PRELID2: variants seen among roughly 807,000 people sequenced by gnomAD.
PRELID2 encodes PRELI domain containing 2, also known as PRELI domain-containing protein 2.
In PRELID2, 25 loss-of-function variants were observed where a neutral mutation model predicts 28.4. The ratio of observed to expected loss-of-function variants is 0.88; its 90% CI spans 0.64 to 1.23. The LOEUF (loss-of-function observed/expected upper bound fraction) is 1.23, where lower values mean the gene tolerates loss of function less well. Among genes scored for constraint, PRELID2 ranks in the 50% most tolerant of loss-of-function variants. PRELID2 has a pLI of 0.00. For missense variants in PRELID2, 201 were observed against 214.4 expected, an observed-to-expected ratio of 0.94 and a Z score of 0.39; for synonymous variants, 76 against 71.6, an observed-to-expected ratio of 1.06 and a Z score of -0.31.
At chr5:145,531,974 A>C (rs77564080) in intron 1 of PRELID2, among the ~76,000 whole-genome samples, 228 of 152,334 alleles carry the variant, frequency 1.5e-3, no homozygotes, top group Non-Finnish European at 2.7e-3. Flanking sequence ...GGTGATACTA[A>C]TAGAAACTAT....
chr5:145,352,074 T>C, the PRELID2 span, among the ~76,000 whole-genome samples: 1 of 152,158 alleles, frequency 6.6e-6, no homozygotes, highest in Non-Finnish European at 1.5e-5. Context: ...AGGTACATGG[T>C]GTAAGCCGTC....
chr5:145,682,864 A>C (rs953752377), intron 1 of PRELID2, among the ~76,000 whole-genome samples: 1 of 152,222 alleles, frequency 6.6e-6, no homozygotes, highest in Non-Finnish European at 1.5e-5. Context: ...CATAAAAATC[A>C]AGAAGCTTTT....
At chr5:145,485,856 T>G (rs1402610301) in intron 1 of PRELID2, among the ~76,000 whole-genome samples, 1 of 152,228 alleles carries the variant, frequency 6.6e-6, no homozygotes, top group Admixed American at 6.5e-5. Flanking sequence ...TTAGGAGTTA[T>G]GTATTAAATG....
chr5:145,398,668 CAACA>C, the PRELID2 span, among the ~76,000 whole-genome samples: 2 of 152,164 alleles, frequency 1.3e-5, no homozygotes, highest in East Asian at 1.9e-4. Flanking sequence ...GAGGACATAG[CAACA>C]AACAATGTTC....
intron 1 of PRELID2, among the ~76,000 whole-genome samples, chr5:145,594,833 A>C (rs1753279777): frequency 6.6e-6 from 1 of 152,188 alleles, no homozygotes; most frequent in East Asian, 1.9e-4. Context: ...AAGTTTAAGA[A>C]GAGTCATAAT....
intron 1 of PRELID2, among the ~76,000 whole-genome samples, chr5:145,641,451 A>T (rs1444068235): frequency 6.6e-6 from 1 of 152,238 alleles, no homozygotes; most frequent in East Asian, 1.9e-4. Flanking sequence ...GCAAACACTA[A>T]TGACAAAAAA....
At chr5:145,263,716 T>C in the PRELID2 span, among the ~76,000 whole-genome samples, 2 of 152,064 alleles carry the variant, frequency 1.3e-5, no homozygotes, top group Non-Finnish European at 2.9e-5. Context: ...TGAACACCTT[T>C]ACATGCATAA....
At chr5:145,404,918 A>T in the PRELID2 span, among the ~76,000 whole-genome samples, 1 of 152,122 alleles carries the variant, frequency 6.6e-6, no homozygotes, top group Non-Finnish European at 1.5e-5. Context: ...CTCTGGGGGG[A>T]TACAGAGTGA....
chr5:145,577,774 G>T (rs1190854786), intron 1 of PRELID2, among the ~76,000 whole-genome samples: 1 of 152,078 alleles, frequency 6.6e-6, no homozygotes, highest in East Asian at 1.9e-4. Flanking sequence ...TTAACAGTGG[G>T]TAACTATATG....
chr5:145,254,466 T>C, the PRELID2 span, among the ~76,000 whole-genome samples: 6 of 152,008 alleles, frequency 3.9e-5, no homozygotes, highest in African/African-American at 1.4e-4. Context: ...TCCTGCCTCA[T>C]GGAAAAGATA....
chr5:145,817,219 AAAT>A (rs1754402711), intron 4 of PRELID2, among the ~76,000 whole-genome samples: 12 of 103,290 alleles, frequency 1.2e-4, no homozygotes, highest in African/African-American at 3.5e-4. Flanking sequence ...AAATAAAAAA[AAAT>A]ATATATATAT....
At chr5:145,714,937 T>C (rs1254084213) in intron 1 of PRELID2, among the ~76,000 whole-genome samples, 3 of 152,168 alleles carry the variant, frequency 2.0e-5, no homozygotes, top group East Asian at 1.9e-4. Flanking sequence ...TTCTCTATTT[T>C]ACCTACATAC....
At chr5:145,478,551 CA>C (rs1231505701) in intron 1 of PRELID2, among the ~76,000 whole-genome samples, 1 of 151,342 alleles carries the variant, frequency 6.6e-6, no homozygotes, top group African/African-American at 2.4e-5. Flanking sequence ...ACCCCGTCTC[CA>C]AAAAATAAAG....
At chr5:145,826,247 T>A (rs1755184788) in intron 1 of PRELID2, 1 of 893,534 alleles carries the variant, frequency 1.1e-6, no homozygotes, top group Admixed American at 6.2e-5. Context: ...AATATAATAG[T>A]GTAAAGCCCG....
intron 2 of PRELID2, 67 bp downstream of exon 2, chr5:145,823,010 C>A (rs1267442050): frequency 1.1e-6 from 1 of 878,418 alleles, no homozygotes; most frequent in Admixed American, 1.8e-5. Flanking sequence ...CACACACGTA[C>A]ACACATCTTT....
At chr5:145,485,785 T>C (rs1752212099) in intron 1 of PRELID2, among the ~76,000 whole-genome samples, 1 of 152,212 alleles carries the variant, frequency 6.6e-6, no homozygotes, top group Non-Finnish European at 1.5e-5. Flanking sequence ...CAAATTAAGC[T>C]GTTTATGGTT....
At chr5:145,666,823 T>C (rs1449577227) in intron 1 of PRELID2, among the ~76,000 whole-genome samples, 1 of 152,122 alleles carries the variant, frequency 6.6e-6, no homozygotes, top group East Asian at 1.9e-4. Context: ...TGTACTGTGA[T>C]ATGTATTATG....
chr5:145,577,577 A>T (rs1017455489), intron 1 of PRELID2, among the ~76,000 whole-genome samples: 2 of 152,114 alleles, frequency 1.3e-5, no homozygotes, highest in Non-Finnish European at 1.5e-5. Context: ...AAGAATGAAA[A>T]GGAATGAAAA....
chr5:145,515,820 G>A (rs912171013), intron 1 of PRELID2, among the ~76,000 whole-genome samples: 10 of 152,138 alleles, frequency 6.6e-5, no homozygotes, highest in African/African-American at 2.4e-5. Flanking sequence ...TCCCTGGGAC[G>A]CAAGCCTGGT....
Sources: gnomAD v4.1 joint callset for allele counts (sites outside exome capture counted in the v4.1 genomes callset) on GRCh38, gnomAD v4.1.1 for gene constraint, MANE v1.5 for transcripts, NCBI Gene and HGNC (gene_info 2026-07-23, HGNC 2026-07-21) for gene names.